The following LHFPL3 variants were observed in gnomAD, a reference collection of about 807,000 sequenced individuals.
LHFPL3 encodes the protein LHFPL tetraspan subfamily member 3 protein.
LHFPL3 carries 5 observed loss-of-function variants against 19.3 expected under a neutral mutation model. The observed-to-expected ratio is 0.26, with a 90% CI of 0.14 to 0.54. LHFPL3 has a LOEUF of 0.54. LHFPL3 is among the 20% of genes least tolerant of loss of function. The pLI is 0.94. For synonymous variants in LHFPL3, 133 were observed against 126.2 expected, an observed-to-expected ratio of 1.05 and a Z score of -0.36; for missense variants, 249 against 307.4, an observed-to-expected ratio of 0.81 and a Z score of 1.42.
intron 2 of LHFPL3, among the ~76,000 whole-genome samples, chr7:104,828,810 G>C (rs1790873368): frequency 6.6e-6 from 1 of 151,858 alleles, no homozygotes; most frequent in South Asian, 2.1e-4. Context: ...CAAGGCAGGT[G>C]GATCACTTGA....
At chr7:104,727,501 G>A (rs540428865) in intron 1 of LHFPL3, among the ~76,000 whole-genome samples, 12 of 152,226 alleles carry the variant, frequency 7.9e-5, no homozygotes, top group Admixed American at 2.0e-4. Context: ...TTCAGAAAGC[G>A]TATAATCTCT....
chr7:104,851,971 T>G (rs958816645), intron 2 of LHFPL3, among the ~76,000 whole-genome samples: 3 of 152,080 alleles, frequency 2.0e-5, no homozygotes, highest in East Asian at 3.9e-4. Flanking sequence ...TTCTGTCTCC[T>G]TTCCTTATCC....
intron 1 of LHFPL3, among the ~76,000 whole-genome samples, chr7:104,619,359 T>TTCTA (rs1791402539): frequency 6.6e-6 from 1 of 152,228 alleles, no homozygotes; most frequent in Admixed American, 6.5e-5. Context: ...TTATCATGAC[T>TTCTA]ATTTTAAAAC....
At chr7:104,490,626 C>A (rs915156975) in intron 1 of LHFPL3, among the ~76,000 whole-genome samples, 3 of 152,104 alleles carry the variant, frequency 2.0e-5, no homozygotes, top group Admixed American at 2.0e-4. Context: ...CAGAGAACCA[C>A]AAAAGGGCCC....
intron 2 of LHFPL3, among the ~76,000 whole-genome samples, chr7:104,886,573 C>A (rs1792151589): frequency 6.6e-6 from 1 of 152,170 alleles, no homozygotes; most frequent in Non-Finnish European, 1.5e-5. Flanking sequence ...CCATGTTGGC[C>A]AGGCTGGTCT....
intron 1 of LHFPL3, among the ~76,000 whole-genome samples, chr7:104,398,842 C>T (rs62486532): frequency 0.34 from 51,732 of 150,600 alleles, 9,171 homozygotes; most frequent in Admixed American, 0.48. Context: ...TTTCTGATGC[C>T]CGCCCCCCGG....
chr7:104,634,777 G>A (rs1027993577), intron 1 of LHFPL3, among the ~76,000 whole-genome samples: 6 of 152,134 alleles, frequency 3.9e-5, no homozygotes, highest in African/African-American at 1.4e-4. Context: ...TGTTGCTGTG[G>A]CTGTGAAGCC....
intron 2 of LHFPL3, among the ~76,000 whole-genome samples, chr7:104,905,140 G>A (rs530560715): frequency 6.6e-6 from 1 of 152,156 alleles, no homozygotes; most frequent in Admixed American, 6.5e-5. Context: ...GTTTTGTAGA[G>A]ATGGGGTTTC....
intron 1 of LHFPL3, among the ~76,000 whole-genome samples, chr7:104,680,920 ACAACCGAGC>A (rs1792682457): frequency 6.6e-6 from 1 of 152,200 alleles, no homozygotes; most frequent in South Asian, 2.1e-4. Flanking sequence ...TGTTTATTAA[ACAACCGAGC>A]TACTGATTAC....
intron 2 of LHFPL3, among the ~76,000 whole-genome samples, chr7:104,759,036 G>C (rs899009013): frequency 6.6e-6 from 1 of 152,188 alleles, no homozygotes; most frequent in Non-Finnish European, 1.5e-5. Context: ...ATGACTTCCT[G>C]AGCTGATTTT....
chr7:104,790,151 C>G (rs906006377), intron 2 of LHFPL3, among the ~76,000 whole-genome samples: 8 of 152,190 alleles, frequency 5.3e-5, no homozygotes, highest in African/African-American at 1.9e-4. Flanking sequence ...GCCTAGCTAC[C>G]TGGTTGCTTC....
intron 1 of LHFPL3, among the ~76,000 whole-genome samples, chr7:104,651,039 C>T (rs140577168): frequency 0.013 from 1,977 of 152,126 alleles, 17 homozygotes; most frequent in South Asian, 0.033. Flanking sequence ...AGTACAGCAG[C>T]GGGGTAAGAG....
chr7:104,606,706 G>C lies in LHFPL3; in HGVS notation c.446-129969G>C, dbSNP rs150226574. 2.6e-5 allele frequency among the ~76,000 whole-genome samples: 4 copies of C among 152,236 alleles called. No homozygotes were observed. In the South Asian group the frequency reaches 6.2e-4, roughly 24 times the overall value. On this transcript the variant is annotated intron_variant, in intron 1 of 2. Coordinates refer to ENST00000424859, the MANE Select transcript of LHFPL3 (RefSeq NM_199000.3). The stretch of plus-strand genomic sequence containing the variant: ...TGGAGAGTTTAACTAATGTGAGATC[G>C]GTCCATGTTGGAGAACTGGAGTTAT...
chr7:104,744,145 T>A (rs779757800), intron 2 of LHFPL3: 19 of 152,102 alleles, frequency 1.2e-4, no homozygotes, highest in South Asian at 4.2e-4. Flanking sequence ...TTCTTATAGA[T>A]GCTTGTTCTG....
At chr7:104,608,457 G>A (rs1454671362) in intron 1 of LHFPL3, among the ~76,000 whole-genome samples, 1 of 140,874 alleles carries the variant, frequency 7.1e-6, no homozygotes, top group Non-Finnish European at 1.5e-5. Context: ...GAGAACACAT[G>A]GACACAGGAA....
At chr7:104,680,774 A>G (rs2116086288) in intron 1 of LHFPL3, among the ~76,000 whole-genome samples, 2 of 152,312 alleles carry the variant, frequency 1.3e-5, no homozygotes, top group East Asian at 3.9e-4. Context: ...GACAAAACAA[A>G]CAAACAAACA....
At chr7:104,845,364 T>C (rs1262302085) in intron 2 of LHFPL3, 1 of 1,430,136 alleles carries the variant, frequency 7.0e-7, no homozygotes, top group Non-Finnish European at 9.5e-7. Context: ...GTTCTGTTTT[T>C]TCCTCCCACA....
At chr7:104,670,870 T>G (rs548280828) in intron 1 of LHFPL3, among the ~76,000 whole-genome samples, 34 of 152,032 alleles carry the variant, frequency 2.2e-4, no homozygotes, top group African/African-American at 7.5e-4. Flanking sequence ...TGTTTTGTTT[T>G]TTTTTTTTTA....
At chr7:104,554,105 T>C (rs911134706) in intron 1 of LHFPL3, among the ~76,000 whole-genome samples, 2 of 152,200 alleles carry the variant, frequency 1.3e-5, no homozygotes, top group African/African-American at 2.4e-5. Context: ...CCTGTCAATA[T>C]TAAAATGAAT....
Sources: gnomAD v4.1 joint callset for allele counts (sites outside exome capture counted in the v4.1 genomes callset) on GRCh38, gnomAD v4.1.1 for gene constraint, MANE v1.5 for transcripts, NCBI Gene and HGNC (gene_info 2026-07-23, HGNC 2026-07-21) for gene names.